The following LEKR1 variants were observed in gnomAD, a reference collection of about 807,000 sequenced individuals.
The protein encoded by LEKR1 is leucine, glutamate and lysine rich 1.
Under a neutral mutation model 72.4 loss-of-function variants are expected in LEKR1, and 59 were observed. The ratio of observed to expected loss-of-function variants is 0.82; its 90% CI spans 0.66 to 1.01. The LOEUF is 1.01. LEKR1 is among the 50% of genes least tolerant of loss of function. LEKR1 has a pLI of 0.00. For synonymous variants in LEKR1, 257 were observed against 263.2 expected, an observed-to-expected ratio of 0.98 and a Z score of 0.23; for missense variants, 728 against 759.2, an observed-to-expected ratio of 0.96 and a Z score of 0.48.
At chr3:156,912,179 T>G (rs1449325659) in intron 3 of LEKR1, among the ~76,000 whole-genome samples, 1 of 152,184 alleles carries the variant, frequency 6.6e-6, no homozygotes, top group African/African-American at 2.4e-5. Context: ...TACAAGTGGC[T>G]TTGGGTTACA....
At chr3:156,915,276 G>A (rs191900410) in intron 3 of LEKR1, among the ~76,000 whole-genome samples, 278 of 152,190 alleles carry the variant, frequency 1.8e-3, no homozygotes, top group Non-Finnish European at 3.2e-3. Context: ...ACTCAGTAAT[G>A]GAATTGCTGG....
chr3:156,875,022 A>G (rs1235291764), intron 3 of LEKR1, among the ~76,000 whole-genome samples: 1 of 152,182 alleles, frequency 6.6e-6, no homozygotes, highest in African/African-American at 2.4e-5. Context: ...TTTTTCATTT[A>G]ATGACTTCTT....
In LEKR1 at chr3:157,020,742, T is replaced by G. The variant is rs1321397979; in HGVS notation, c.1204-4018T>G. Reference sequence around the variant, plus strand: ...TGAATAATGCCGCAGTAAACATACGTGTGCATGTGTCTTTATAGCAGCATG... The same window carrying G: ...TGAATAATGCCGCAGTAAACATACGGGTGCATGTGTCTTTATAGCAGCATG... On this transcript the variant is annotated intron_variant, in intron 10 of 12. Transcript: ENST00000356539. 4.6e-5 allele frequency among the ~76,000 whole-genome samples: 7 copies of G among 152,214 alleles called. No individual in the cohort carries two copies. In the East Asian group the frequency reaches 1.4e-3, roughly 29 times the overall value.
chr3:156,901,316 G>A (rs1349202920), intron 3 of LEKR1, among the ~76,000 whole-genome samples: 4 of 151,766 alleles, frequency 2.6e-5, no homozygotes, highest in South Asian at 4.2e-4. Context: ...TCCAGGACAC[G>A]CAAAGAAGCA....
intron 3 of LEKR1, among the ~76,000 whole-genome samples, chr3:156,908,224 ATAAATAT>A (rs1350606743): frequency 6.6e-6 from 1 of 152,134 alleles, no homozygotes; most frequent in Non-Finnish European, 1.5e-5. Flanking sequence ...TTCGTAATTA[ATAAATAT>A]CTTGTGGTAG....
At chr3:157,000,580 T>C (rs1364484265) in intron 9 of LEKR1, among the ~76,000 whole-genome samples, 1 of 152,228 alleles carries the variant, frequency 6.6e-6, no homozygotes, top group Non-Finnish European at 1.5e-5. Context: ...TGGTAGGTTG[T>C]AGGTACTCAG....
intron 1 of LEKR1, 36 bp downstream of exon 1, chr3:156,826,412 C>T (rs186807044): frequency 3.8e-4 from 59 of 153,338 alleles, no homozygotes; most frequent in Admixed American, 3.3e-3. Context: ...CTGGGATGAC[C>T]CGGTCCTCCA....
intron 9 of LEKR1, among the ~76,000 whole-genome samples, chr3:157,008,766 A>T (rs940233660): frequency 2.0e-5 from 3 of 152,224 alleles, no homozygotes; most frequent in African/African-American, 7.2e-5. Flanking sequence ...TTATCTTCAC[A>T]TAAATAAAAT....
intron 3 of LEKR1, among the ~76,000 whole-genome samples, chr3:156,868,682 C>T (rs923072789): frequency 1.3e-5 from 2 of 151,976 alleles, no homozygotes; most frequent in Admixed American, 6.6e-5. Context: ...TTTATAATTT[C>T]TAAGTTGGGA....
intron 9 of LEKR1, among the ~76,000 whole-genome samples, chr3:156,996,064 T>A (rs1181957539): frequency 1.3e-5 from 2 of 152,114 alleles, no homozygotes; most frequent in East Asian, 3.9e-4. Flanking sequence ...TCAGCCAGTC[T>A]GTCAATTATT....
chr3:156,917,210 A>T (rs748862629), intron 3 of LEKR1, among the ~76,000 whole-genome samples: 6 of 152,130 alleles, frequency 3.9e-5, no homozygotes, highest in Non-Finnish European at 5.9e-5. Context: ...GAAAGTTAAA[A>T]GTGGTAAAAT....
chr3:156,898,423 T>C (rs988669720), intron 3 of LEKR1, among the ~76,000 whole-genome samples: 3 of 152,082 alleles, frequency 2.0e-5, no homozygotes, highest in African/African-American at 7.2e-5. Context: ...AATGCATTTA[T>C]TAAAGAATTC....
chr3:156,993,092 G>A lies in LEKR1; in HGVS notation c.924G>A (p.Lys308=), dbSNP rs1731266382. 2 of 1,600,796 alleles carry A rather than the reference G, an allele frequency of 1.2e-6. No individual in the cohort carries two copies. Among genetic ancestry groups the A allele is most frequent in the Admixed American group, 1.7e-5 (1 of 57,248 alleles). Residue 308 remains lysine (K), a synonymous_variant, in exon 9 of 13, where the codon AAG becomes AAA. Coordinates refer to ENST00000356539, the MANE Select transcript of LEKR1 (RefSeq NM_001004316.3). ...TTTTTAGGCATACTATGCTGCTTAA[G>A]GAAAAAGAAGACTCTTTAATGACTT... ...ISESQHTMLL[K]EKEDSLMTCQ...
chr3:157,018,551 T>A (rs1399472407), intron 10 of LEKR1, among the ~76,000 whole-genome samples: 1 of 152,058 alleles, frequency 6.6e-6, no homozygotes, highest in East Asian at 1.9e-4. Flanking sequence ...ATTTTGAAAC[T>A]AAATAAATAC....
chr3:156,994,400 C>T lies in LEKR1; in HGVS notation c.1109+1123C>T, dbSNP rs528398800. Among the ~76,000 whole-genome samples the T allele has an allele frequency of 4.6e-5, 7 of 152,176 alleles. No individual in the cohort carries two copies. In the South Asian group the frequency reaches 8.3e-4, roughly 18 times the overall value. ...TCATAGGGAAACAAGGCTTATCTCT[C>T]GTCCGTCCTGGGATGATTTTATAAT... On this transcript the variant is annotated intron_variant, in intron 9 of 12. Coordinates refer to ENST00000356539, the MANE Select transcript of LEKR1 (RefSeq NM_001004316.3).
chr3:156,947,618 G>A (rs183100432), intron 6 of LEKR1, among the ~76,000 whole-genome samples: 17 of 151,074 alleles, frequency 1.1e-4, no homozygotes, highest in Admixed American at 9.3e-4. Context: ...GTCGTAATTG[G>A]TAAGGAGCCT....
At position 156,996,819 on chromosome 3, in the gene LEKR1, C is replaced by T. The variant is rs114490543; in HGVS notation, c.1109+3542C>T. Among the ~76,000 whole-genome samples, 401 of 152,256 alleles carry T rather than the reference C, an allele frequency of 2.6e-3. 2 individuals are homozygous for T. The highest frequency in any genetic ancestry group is 9.3e-3 in the African/African-American group (385 of 41,536). On this transcript the variant is annotated intron_variant, in intron 9 of 12. Coordinates refer to ENST00000356539, the MANE Select transcript of LEKR1 (RefSeq NM_001004316.3). ...GTGGTTCATGCCTGTGATTCCAGCA[C>T]TCTGGGAGGCCAAGGTGGATGGATC...
chr3:156,983,587 A>G (rs1730415037), intron 7 of LEKR1, among the ~76,000 whole-genome samples: 3 of 152,122 alleles, frequency 2.0e-5, no homozygotes, highest in Admixed American at 2.0e-4. Flanking sequence ...GAGGAATTAC[A>G]TATGGACCAT....
intron 12 of LEKR1, among the ~76,000 whole-genome samples, chr3:157,040,533 T>C (rs1056608792): frequency 6.6e-6 from 1 of 152,214 alleles, no homozygotes; most frequent in Admixed American, 6.5e-5. Flanking sequence ...TTTGGACTGA[T>C]CAGATTAGTT....
Sources: allele counts gnomAD v4.1 joint callset (sites outside exome capture counted in the v4.1 genomes callset), GRCh38; gene constraint gnomAD v4.1.1; transcripts MANE v1.5; gene names NCBI Gene and HGNC (gene_info 2026-07-23, HGNC 2026-07-21).